The following MARCHF5 variants were observed in gnomAD, a reference collection of about 807,000 sequenced individuals.
MARCHF5 encodes membrane associated ring-CH-type finger 5.
In MARCHF5, 5 loss-of-function variants were observed where a neutral mutation model predicts 36.5. That is an observed-to-expected ratio of 0.14 (90% CI 0.07 to 0.29). The LOEUF (loss-of-function observed/expected upper bound fraction) is 0.29, where lower values mean the gene tolerates loss of function less well. Among genes scored for constraint, MARCHF5 ranks in the 10% least tolerant of loss-of-function variants. The probability of loss-of-function intolerance (pLI) is 1.00; values close to 1 mark genes in which losing one functional copy is unlikely to be tolerated. For synonymous variants in MARCHF5, 103 were observed against 109.9 expected (o/e 0.94, Z 0.39); for missense variants, 179 against 336.3 (o/e 0.53, Z 3.66).
At chr10:92,338,979 A>T (rs2135212688) in intron 2 of MARCHF5, among the ~76,000 whole-genome samples, 1 of 151,792 alleles carries the variant, frequency 6.6e-6, no homozygotes, top group South Asian at 2.1e-4. Context: ...CAGGAGGCGG[A>T]GGTTGTAGTG....
intron 1 of MARCHF5, among the ~76,000 whole-genome samples, chr10:92,294,578 A>G (rs536886386): frequency 2.0e-5 from 3 of 152,334 alleles, no homozygotes; most frequent in African/African-American, 4.8e-5. Context: ...AATTCTTTTC[A>G]TGAATTTGGC....
chr10:92,322,461 A>G (rs1458771363), intron 2 of MARCHF5, among the ~76,000 whole-genome samples: 2 of 132,576 alleles, frequency 1.5e-5, no homozygotes, highest in Non-Finnish European at 3.1e-5. Flanking sequence ...TTTTTTTGAG[A>G]CAGGGCCTCA....
Position 92,340,125 on chromosome 10 carries a change from A to G in MARCHF5, c.239-548A>G, listed in dbSNP as rs530202429. ...TAAATACGAGAATCTAATTGTTGCC[A>G]GGAATTTGATGGAAAAAGCAAGCTG... On this transcript the variant is annotated intron_variant, in intron 2 of 5. Coordinates refer to ENST00000358935, the MANE Select transcript of MARCHF5 (RefSeq NM_017824.5). Among the ~76,000 whole-genome samples the G allele has an allele frequency of 2.6e-5, 4 of 152,336 alleles. No individual in the cohort carries two copies. The South Asian group carries it at 8.3e-4, about 32-fold the overall frequency.
At position 92,291,350 on chromosome 10, in the gene MARCHF5, G is replaced by C. The variant is rs1434311515; in HGVS notation, c.-145G>C. On this transcript the variant is annotated 5_prime_UTR_variant, in exon 1 of 6. Coordinates refer to ENST00000358935, the MANE Select transcript of MARCHF5 (RefSeq NM_017824.5). The stretch of plus-strand genomic sequence containing the variant: ...GCCCTGCACCGCCGCCGCCAGGCTA[G>C]CGGAGCTGCCCCGGGAAGCTGGGTG... 59 of 739,724 alleles carry C rather than the reference G, an allele frequency of 8.0e-5. No individual in the cohort carries two copies. The highest frequency in any genetic ancestry group is 1.4e-4 in the Non-Finnish European group (59 of 435,246). The allele number at this position is 739,724 out of a possible 1,614,324, so 45.8% of individuals were successfully genotyped here.
At position 92,349,067 on chromosome 10, in the gene MARCHF5, T is replaced by C. The variant is rs560070470; in HGVS notation, c.370-282T>C. Among the ~76,000 whole-genome samples the C allele has an allele frequency of 2.4e-4, 36 of 152,254 alleles. No individual in the cohort carries two copies. The East Asian group carries it at 3.3e-3, about 14-fold the overall frequency. On this transcript the variant is annotated intron_variant, in intron 3 of 5. Coordinates refer to ENST00000358935, the MANE Select transcript of MARCHF5 (RefSeq NM_017824.5). ...TCAAATAAAGGAATAGAAGCAACAA[T>C]CAGAGGTCCCCGCCCCTCTATTGTA... is the stretch of plus-strand genomic sequence containing the variant.
At chr10:92,328,906 GTTC>G (rs1243426702) in intron 2 of MARCHF5, among the ~76,000 whole-genome samples, 2 of 148,046 alleles carry the variant, frequency 1.4e-5, no homozygotes, top group East Asian at 3.9e-4. Context: ...ATGTGTAGTT[GTTC>G]TTTTTATGAT....
intron 2 of MARCHF5, among the ~76,000 whole-genome samples, chr10:92,311,772 A>T (rs761769462): frequency 7.2e-5 from 11 of 152,218 alleles, no homozygotes; most frequent in Non-Finnish European, 1.5e-4. Flanking sequence ...ATTTAATAAG[A>T]TGTGACGTTA....
At chr10:92,300,891 CTTTT>C (rs370507190) in intron 1 of MARCHF5, among the ~76,000 whole-genome samples, 5 of 127,754 alleles carry the variant, frequency 3.9e-5, no homozygotes, top group Middle Eastern at 3.7e-3. Context: ...CCTCCTAATT[CTTTT>C]TTTTTTTTTT....
At chr10:92,328,623 A>G (rs1248409799) in intron 2 of MARCHF5, among the ~76,000 whole-genome samples, 1 of 150,244 alleles carries the variant, frequency 6.7e-6, no homozygotes, top group South Asian at 2.1e-4. Flanking sequence ...TTCCATTCTC[A>G]TTTTGTAGAA....
intron 1 of MARCHF5, among the ~76,000 whole-genome samples, chr10:92,293,460 T>C (rs550390874): frequency 4.1e-4 from 63 of 152,114 alleles, no homozygotes; most frequent in Non-Finnish European, 6.6e-4. Context: ...CTTTGGATAT[T>C]TCCATAAAAG....
chr10:92,292,411 A>G lies in MARCHF5; in HGVS notation c.35+882A>G, dbSNP rs1013500883. Among the ~76,000 whole-genome samples, 4 of 152,256 alleles carry G rather than the reference A, an allele frequency of 2.6e-5. No individual in the cohort carries two copies. In the East Asian group the frequency reaches 5.8e-4, roughly 22 times the overall value. ...TGTTTGTGGTTGCTTACAATTCTCA[A>G]TAGACACCACTTGCCACCCATTTCA... is the stretch of plus-strand genomic sequence containing the variant. On this transcript the variant is annotated intron_variant, in intron 1 of 5. Coordinates refer to ENST00000358935, the MANE Select transcript of MARCHF5 (RefSeq NM_017824.5).
At position 92,316,682 on chromosome 10, in the gene MARCHF5, C is replaced by T. The variant is rs1210076538; in HGVS notation, c.238+5345C>T. Among the ~76,000 whole-genome samples, 5 of 152,074 alleles carry T rather than the reference C, an allele frequency of 3.3e-5. No individual in the cohort carries two copies. The East Asian group carries it at 7.7e-4, about 23-fold the overall frequency. ...GGCTCAAGCAGTCTTCTTGCCTCAG[C>T]CTTCCAAGTAGATGGGGTTACAGGC... On this transcript the variant is annotated intron_variant, in intron 2 of 5. Coordinates refer to ENST00000358935, the MANE Select transcript of MARCHF5 (RefSeq NM_017824.5).
intron 1 of MARCHF5, among the ~76,000 whole-genome samples, chr10:92,291,794 T>C (rs1243407791): frequency 1.3e-5 from 2 of 152,232 alleles, no homozygotes; most frequent in African/African-American, 4.8e-5. Flanking sequence ...GAGGGACTCC[T>C]GTTAATCCAC....
chr10:92,317,034 C>T (rs1843218694), intron 2 of MARCHF5, among the ~76,000 whole-genome samples: 1 of 152,120 alleles, frequency 6.6e-6, no homozygotes, highest in African/African-American at 2.4e-5. Context: ...CAGAAGAATT[C>T]AGAGGAGAGC....
chr10:92,321,072 C>T (rs560682342), intron 2 of MARCHF5, among the ~76,000 whole-genome samples: 5 of 152,142 alleles, frequency 3.3e-5, no homozygotes, highest in Admixed American at 6.5e-5. Context: ...CAGTAACATG[C>T]TGTGCAGGTT....
chr10:92,299,298 A>G (rs1246669448), intron 1 of MARCHF5, among the ~76,000 whole-genome samples: 2 of 152,108 alleles, frequency 1.3e-5, no homozygotes, highest in African/African-American at 4.8e-5. Flanking sequence ...AAAATCTGCC[A>G]GTCTCTGTGT....
At chr10:92,320,025 G>A (rs544580476) in intron 2 of MARCHF5, among the ~76,000 whole-genome samples, 1 of 147,352 alleles carries the variant, frequency 6.8e-6, no homozygotes, top group South Asian at 2.1e-4. Flanking sequence ...AGGCTGGAGT[G>A]CAGTGGTGCA....
intron 2 of MARCHF5, among the ~76,000 whole-genome samples, chr10:92,328,380 G>A (rs1162344092): frequency 6.7e-6 from 1 of 149,348 alleles, no homozygotes; most frequent in African/African-American, 2.5e-5. Context: ...TTTTTCAATG[G>A]TGGTGTTGAT....
intron 1 of MARCHF5, among the ~76,000 whole-genome samples, chr10:92,306,468 C>T (rs549529651): frequency 6.6e-6 from 1 of 152,242 alleles, no homozygotes; most frequent in Admixed American, 6.5e-5. Context: ...ATACTATTTA[C>T]TCCTAGAAGG....
Sources: gnomAD v4.1 joint callset for allele counts (sites outside exome capture counted in the v4.1 genomes callset) on GRCh38, gnomAD v4.1.1 for gene constraint, MANE v1.5 for transcripts, NCBI Gene and HGNC (gene_info 2026-07-23, HGNC 2026-07-21) for gene names.